CAPN7: variants seen among roughly 807,000 people sequenced by gnomAD.
CAPN7 encodes the protein calpain 7, also known as calpain-7.
In CAPN7, 72 loss-of-function variants were observed where a neutral mutation model predicts 115.2. The ratio of observed to expected loss-of-function variants is 0.63; its 90% CI spans 0.52 to 0.76. CAPN7 has a LOEUF of 0.76. CAPN7 is among the 30% of genes least tolerant of loss of function. CAPN7 has a pLI of 0.00. For synonymous variants in CAPN7, 344 were observed against 322.3 expected (o/e 1.07, Z -0.72); for missense variants, 905 against 971.5 (o/e 0.93, Z 0.91).
At position 15,229,034 on chromosome 3, in the gene CAPN7, C is replaced by A; in HGVS notation, c.913C>A (p.Arg305Ser). ...SLAISAAYER[R>S]FNKKLITGII... The stretch of plus-strand genomic sequence containing the variant: ...GGCCATCAGTGCAGCTTATGAAAGA[C>A]GTTTTAATAAGAAGTTAATTACCGG... Residue 305 changes from arginine to serine, a missense_variant, in exon 8 of 21, where the codon CGT (arginine) becomes AGT (serine). This residue lies in a region of CAPN7 where 620 missense variants were observed against 703.4 expected (regional missense o/e 0.88). Transcript: ENST00000253693. 1 of 1,612,726 alleles carries A rather than the reference C, an allele frequency of 6.2e-7. No individual in the cohort carries two copies. Among genetic ancestry groups the A allele is most frequent in the Non-Finnish European group, 8.5e-7 (1 of 1,178,978 alleles).
intron 12 of CAPN7, 81 bp from the exon 13 acceptor site, chr3:15,240,392 A>T: frequency 8.2e-7 from 1 of 1,219,252 alleles, no homozygotes; most frequent in Non-Finnish European, 1.2e-6. Flanking sequence ...ATAAGTACTC[A>T]GTTCATCCTC....
In CAPN7 at chr3:15,220,952, A is replaced by T. The variant is rs749704616; in HGVS notation, c.609A>T (p.Arg203Ser). The T allele has an allele frequency of 6.2e-7, 1 of 1,614,008 alleles. No individual in the cohort carries two copies. The highest frequency in any genetic ancestry group is 1.1e-5 in the South Asian group (1 of 91,082). ...AGTCATGTGATGCACAAGGACAGAG[A>T]TACACAGCAGAAGAAATAGAAGTAC... The part of the protein sequence containing the change: ...SPQSCDAQGQ[R>S]YTAEEIEVLR... The change falls in exon 5 of 21, where the codon AGA (arginine) becomes AGT (serine). Residue 203 changes from arginine (R) to serine (S), a missense_variant. Coordinates refer to ENST00000253693, the MANE Select transcript of CAPN7 (RefSeq NM_014296.3).
At position 15,247,366 on chromosome 3, in the gene CAPN7, G is replaced by A; in HGVS notation, c.2113G>A (p.Gly705Arg). The part of the protein sequence containing the change: ...KWSGQSAGGC[G>R]NFQETHKNNP... ...GAGTGGTCAGAGTGCTGGAGGATGT[G>A]GAAATTTCCAAGAGACTCACAAAAA... is the stretch of plus-strand genomic sequence containing the variant. The change falls in exon 19 of 21, where the codon GGA becomes AGA. Residue 705 changes from glycine to arginine, a missense_variant. Transcript: ENST00000253693. 1 of 1,608,934 alleles carries A rather than the reference G, an allele frequency of 6.2e-7. No homozygotes were observed. Among genetic ancestry groups the A allele is most frequent in the Non-Finnish European group, 8.5e-7 (1 of 1,177,458 alleles).
At chr3:15,240,320 G>A (rs1327789691) in intron 12 of CAPN7, among the ~76,000 whole-genome samples, 153 bp from the exon 13 acceptor site, 1 of 152,228 alleles carries the variant, frequency 6.6e-6, no homozygotes, top group Non-Finnish European at 1.5e-5. Context: ...TTTGATCGAT[G>A]TATGACCTGG....
At position 15,245,697 on chromosome 3, in the gene CAPN7, A is replaced by G. The variant is rs780615921; in HGVS notation, c.2010+26A>G. On this transcript the variant is annotated intron_variant, in intron 17 of 20. Coordinates refer to ENST00000253693, the MANE Select transcript of CAPN7 (RefSeq NM_014296.3). ...GTAAGTAAAACCAACACACAATGAC[A>G]AAACACAGTAATATAAAGTATGTAA... The G allele has an allele frequency of 1.9e-5, 31 of 1,601,524 alleles. No homozygotes were observed. In the African/African-American group the frequency reaches 3.2e-4, roughly 17 times the overall value.
chr3:15,242,898 A>G (rs1014166197), intron 16 of CAPN7, among the ~76,000 whole-genome samples: 7 of 152,236 alleles, frequency 4.6e-5, no homozygotes, highest in East Asian at 1.9e-4. Flanking sequence ...GAGAGAAACT[A>G]TCTTAAGGCT....
chr3:15,234,109 A>G (rs1694850572), intron 11 of CAPN7, 136 bp downstream of exon 11: 5 of 534,826 alleles, frequency 9.3e-6, no homozygotes, highest in Non-Finnish European at 1.6e-5. Context: ...TGAGTTTGGG[A>G]GTTGGAGGAC....
rs1314790623 is a variant in CAPN7, at chr3:15,252,513, A to G, written c.*1253A>G. The G allele has an allele frequency of 1.3e-5, 2 of 152,284 alleles. No homozygotes were observed. The highest frequency in any genetic ancestry group is 4.8e-5 in the African/African-American group (2 of 41,456). The allele number at this position is 152,284 out of a possible 1,614,324, so 9.4% of individuals were successfully genotyped here. ...TATTAATTTTAGGTGGACAAATTTA[A>G]CAAGTTTTCTGTTACTTTTTAAAAA... On this transcript the variant is annotated 3_prime_UTR_variant, in exon 21 of 21. Transcript: ENST00000253693.
chr3:15,243,274 C>G lies in CAPN7; in HGVS notation c.1864+1021C>G, dbSNP rs373651437. ...AGAGGTCAGAAAGATTTGCAGAGGTCAGATCACATGAGGTTCTGTACACCA... is the reference window on the plus strand; with the variant it reads ...AGAGGTCAGAAAGATTTGCAGAGGTGAGATCACATGAGGTTCTGTACACCA... On this transcript the variant is annotated intron_variant, in intron 16 of 20. Coordinates refer to ENST00000253693, the MANE Select transcript of CAPN7 (RefSeq NM_014296.3). Among the ~76,000 whole-genome samples the G allele has an allele frequency of 3.7e-4, 56 of 152,246 alleles. No homozygotes were observed. The East Asian group carries it at 7.3e-3, about 20-fold the overall frequency.
intron 6 of CAPN7, among the ~76,000 whole-genome samples, chr3:15,226,173 T>A (rs1477541924): frequency 2.6e-5 from 4 of 152,064 alleles, no homozygotes; most frequent in African/African-American, 9.7e-5. Flanking sequence ...TCTCCCAGAT[T>A]CAAGAGATTC....
chr3:15,213,543 T>C (rs1208889323), intron 2 of CAPN7, among the ~76,000 whole-genome samples: 1 of 152,224 alleles, frequency 6.6e-6, no homozygotes, highest in Non-Finnish European at 1.5e-5. Context: ...AGGAGTAGAA[T>C]CTCTGGCAGC....
chr3:15,214,029 T>C (rs182330240), intron 2 of CAPN7, among the ~76,000 whole-genome samples: 440 of 152,092 alleles, frequency 2.9e-3, no homozygotes, highest in Middle Eastern at 0.01. Context: ...TACAGGCGCC[T>C]GCCACCACAC....
chr3:15,214,985 A>T (rs1332823039), intron 2 of CAPN7, among the ~76,000 whole-genome samples: 1 of 152,248 alleles, frequency 6.6e-6, no homozygotes, highest in Non-Finnish European at 1.5e-5. Context: ...TCCCACAACA[A>T]AGAATTATCC....
At chr3:15,228,824 A>T (rs1431014770) in intron 7 of CAPN7, 150 bp from the exon 8 acceptor site, 1 of 593,944 alleles carries the variant, frequency 1.7e-6, no homozygotes, top group Admixed American at 3.1e-5. Context: ...CACCTATGTT[A>T]CCTTCCACAT....
At chr3:15,207,218 G>A (rs2044678496) in intron 1 of CAPN7, among the ~76,000 whole-genome samples, 1 of 152,164 alleles carries the variant, frequency 6.6e-6, no homozygotes, top group Admixed American at 6.5e-5. Flanking sequence ...TGTACTCAGT[G>A]GTGTGTGCAG....
intron 19 of CAPN7, among the ~76,000 whole-genome samples, chr3:15,249,006 C>CAAAAAAAAAAAAAAA (rs1460568964): frequency 7.9e-5 from 4 of 50,714 alleles, no homozygotes; most frequent in African/African-American, 3.8e-4. Flanking sequence ...ATACAACAAC[C>CAAAAAAAAAAAAAAA]AAAAAAAAAA....
chr3:15,207,076 T>G (rs1445284074), intron 1 of CAPN7, among the ~76,000 whole-genome samples: 1 of 152,240 alleles, frequency 6.6e-6, no homozygotes, highest in Non-Finnish European at 1.5e-5. Flanking sequence ...AAATGTGTTC[T>G]TAGGCCATTT....
chr3:15,206,297 T>G lies in CAPN7; in HGVS notation c.-199T>G, dbSNP rs2044615549. On this transcript the variant is annotated 5_prime_UTR_variant, in exon 1 of 21. Coordinates refer to ENST00000253693, the MANE Select transcript of CAPN7 (RefSeq NM_014296.3). ...GCGGCCGGGTGGGCTACAAGCCGGG[T>G]CTGGGCTGAGGGGCGCGGCTTCGCG... is the stretch of plus-strand genomic sequence containing the variant. 4 of 501,376 alleles carry G rather than the reference T, an allele frequency of 8.0e-6. No individual in the cohort carries two copies. Among genetic ancestry groups the G allele is most frequent in the Non-Finnish European group, 1.4e-5 (4 of 285,396 alleles). The allele number at this position is 501,376 out of a possible 1,614,324, so 31.1% of individuals were successfully genotyped here. A position where few individuals can be genotyped will look rare whatever the true frequency, so the allele number is the denominator to read the frequency against.
At chr3:15,231,718 CAG>C (rs1184343833) in intron 9 of CAPN7, among the ~76,000 whole-genome samples, 5 of 151,964 alleles carry the variant, frequency 3.3e-5, no homozygotes, top group Admixed American at 6.6e-5. Flanking sequence ...TTAGTGGAGA[CAG>C]AGTTTCACCG....
Sources: gnomAD v4.1 joint callset for allele counts (sites outside exome capture counted in the v4.1 genomes callset) on GRCh38, gnomAD v4.1.1 for gene constraint, gnomAD v4.1.1 regional missense constraint, MANE v1.5 for transcripts, NCBI Gene and HGNC (gene_info 2026-07-23, HGNC 2026-07-21) for gene names.